The following GRID1 variants were observed in gnomAD, a reference collection of about 807,000 sequenced individuals.
GRID1 encodes the protein glutamate ionotropic receptor delta type subunit 1, also known as glutamate receptor ionotropic, delta-1.
GRID1 carries 28 observed loss-of-function variants against 98.0 expected under a neutral mutation model. The ratio of observed to expected loss-of-function variants is 0.29; its 90% confidence interval spans 0.21 to 0.39. GRID1 has a LOEUF of 0.39. Among genes scored for constraint, GRID1 ranks in the 10% least tolerant of loss-of-function variants. The pLI, the probability that GRID1 is intolerant of heterozygous loss-of-function variation, is 1.00. For missense variants in GRID1, 1,111 were observed against 1,340.5 expected, an observed-to-expected ratio of 0.83 and a Z score of 2.67; for synonymous variants, 553 against 538.5, an observed-to-expected ratio of 1.03 and a Z score of -0.37.
chr10:85,802,570 A>G (rs1188252278), intron 8 of GRID1, among the ~76,000 whole-genome samples: 1 of 152,048 alleles, frequency 6.6e-6, no homozygotes, highest in Non-Finnish European at 1.5e-5. Context: ...TATGCACAAA[A>G]TTTATCTCCA....
intron 4 of GRID1, among the ~76,000 whole-genome samples, chr10:86,015,573 A>C (rs1436636930): frequency 6.6e-6 from 1 of 152,348 alleles, no homozygotes; most frequent in East Asian, 1.9e-4. Context: ...CTGTGGAGGA[A>C]GTGGCAGGGC....
intron 11 of GRID1, among the ~76,000 whole-genome samples, chr10:85,723,726 A>G (rs1222812186): frequency 1.3e-5 from 2 of 152,174 alleles, no homozygotes; most frequent in African/African-American, 4.8e-5. Context: ...TTTGAGGCCA[A>G]TTATTTCTCC....
intron 12 of GRID1, among the ~76,000 whole-genome samples, chr10:85,700,934 T>C (rs1841443354): frequency 6.6e-6 from 1 of 152,168 alleles, no homozygotes; most frequent in Admixed American, 6.5e-5. Context: ...CATTATTGAA[T>C]GGTTTTATAT....
intron 3 of GRID1, among the ~76,000 whole-genome samples, chr10:86,164,345 C>T (rs975704601): frequency 6.6e-6 from 1 of 152,050 alleles, no homozygotes; most frequent in African/African-American, 2.4e-5. Flanking sequence ...GGTGGCCCAC[C>T]CCCAGCAGCA....
intron 2 of GRID1, among the ~76,000 whole-genome samples, chr10:86,328,979 C>G (rs1021404801): frequency 6.6e-6 from 1 of 152,118 alleles, no homozygotes; most frequent in Non-Finnish European, 1.5e-5. Context: ...TGGGGACACC[C>G]AAGGCTATAA....
chr10:86,171,925 C>T (rs117796855), intron 3 of GRID1, among the ~76,000 whole-genome samples: 5 of 152,022 alleles, frequency 3.3e-5, no homozygotes, highest in South Asian at 2.1e-4. Flanking sequence ...CCAGGAAATA[C>T]GTTACACACA....
chr10:85,869,909 T>C (rs1453457131), intron 5 of GRID1, among the ~76,000 whole-genome samples: 1 of 152,178 alleles, frequency 6.6e-6, no homozygotes, highest in Non-Finnish European at 1.5e-5. Context: ...CCTGGTATGA[T>C]CCACTGTGGA....
rs184754563 is a variant in GRID1 at position 86,173,072 on chromosome 10, C to T, written c.520+33292G>A. ...ATTTTGTTTTTAACAGACAGAATAT[C>T]TGTCACCCAGGCTGGAGTGCAGTGG... On this transcript the variant is annotated intron_variant, in intron 3 of 15. Transcript: ENST00000327946. 2.0e-4 allele frequency among the ~76,000 whole-genome samples: 30 copies of T among 152,326 alleles called. No homozygotes were observed. In the East Asian group the frequency reaches 5.4e-3, roughly 27 times the overall value.
chr10:85,976,750 C>A (rs949964235), intron 4 of GRID1, among the ~76,000 whole-genome samples: 1 of 152,238 alleles, frequency 6.6e-6, no homozygotes, highest in African/African-American at 2.4e-5. Context: ...CCTGAACAGG[C>A]TTACCTGTTT....
At position 85,933,444 on chromosome 10, in the gene GRID1, A is replaced by T. The variant is rs530585472; in HGVS notation, c.727-17205T>A. ...TATCCAACAGGTAGTTTTTCAATAT[A>T]CTACCTAATATCAGGTATTCTGTGA... is the stretch of plus-strand genomic sequence containing the variant. On this transcript the variant is annotated intron_variant, in intron 4 of 15. Transcript: ENST00000327946. Among the ~76,000 whole-genome samples, 99 of 152,276 alleles carry T rather than the reference A, an allele frequency of 6.5e-4. 1 individual carries two copies. The highest frequency in any genetic ancestry group is 2.4e-3 in the African/African-American group (98 of 41,532).
At chr10:85,910,277 C>T (rs1359773477) in intron 5 of GRID1, among the ~76,000 whole-genome samples, 3 of 152,152 alleles carry the variant, frequency 2.0e-5, no homozygotes, top group Non-Finnish European at 4.4e-5. Flanking sequence ...TCTCTGGGTC[C>T]CAAATAGAGA....
At chr10:86,104,048 G>C (rs960022321) in intron 4 of GRID1, among the ~76,000 whole-genome samples, 6 of 152,194 alleles carry the variant, frequency 3.9e-5, no homozygotes, top group African/African-American at 1.4e-4. Context: ...ACATGTGTAA[G>C]GGTGCACATG....
At chr10:85,891,554 C>T (rs1208980911) in intron 5 of GRID1, among the ~76,000 whole-genome samples, 1 of 152,142 alleles carries the variant, frequency 6.6e-6, no homozygotes, top group East Asian at 1.9e-4. Flanking sequence ...AGTTTTCAGA[C>T]ATTGGATAAC....
chr10:85,634,170 G>GA lies in GRID1; in HGVS notation c.2193+13031dup, dbSNP rs199625656. Reference sequence around the variant, plus strand: ...GGGCAACAAGAGCGAAACTCCATCTGAAAAAAAAAAAAAAAGTTTACCAGT... The same window carrying GA: ...GGGCAACAAGAGCGAAACTCCATCTGAAAAAAAAAAAAAAAAGTTTACCAGT... On this transcript the variant is annotated intron_variant, in intron 13 of 15. Coordinates refer to ENST00000327946, the MANE Select transcript of GRID1 (RefSeq NM_017551.3). Among the ~76,000 whole-genome samples the GA allele has an allele frequency of 7.6e-3, 836 of 110,206 alleles. 11 individuals carry two copies. Among genetic ancestry groups the GA allele is most frequent in the African/African-American group, 0.018 (536 of 29,588 alleles). The allele number at this position is 110,206 out of a possible 152,430, so 72.3% of individuals were successfully genotyped here. A position where few individuals can be genotyped will look rare whatever the true frequency, so the allele number is the denominator to read the frequency against.
intron 3 of GRID1, among the ~76,000 whole-genome samples, chr10:86,180,834 C>A (rs1845645060): frequency 6.6e-6 from 1 of 152,206 alleles, no homozygotes; most frequent in Non-Finnish European, 1.5e-5. Flanking sequence ...ATCCCTGTAG[C>A]CCCCTCCTGA....
chr10:86,223,118 C>A (rs1846283532), intron 2 of GRID1, among the ~76,000 whole-genome samples: 1 of 152,188 alleles, frequency 6.6e-6, no homozygotes, highest in African/African-American at 2.4e-5. Context: ...AGAATCCCCC[C>A]AAAATACCAC....
rs1045131665 is a variant in GRID1 at position 85,844,478 on chromosome 10, G to A, written c.1233+10018C>T. On this transcript the variant is annotated intron_variant, in intron 8 of 15. Transcript: ENST00000327946. The stretch of plus-strand genomic sequence containing the variant: ...ACACACACACACACAAATGAAACTG[G>A]GAAAATGTGGATCTGAATGAGATCC... Among the ~76,000 whole-genome samples, 76 of 147,250 alleles carry A rather than the reference G, an allele frequency of 5.2e-4. 1 individual carries two copies. The highest frequency in any genetic ancestry group is 2.8e-4 in the Non-Finnish European group (19 of 66,854).
At chr10:86,175,202 G>C (rs1845556822) in intron 3 of GRID1, among the ~76,000 whole-genome samples, 1 of 152,156 alleles carries the variant, frequency 6.6e-6, no homozygotes, top group African/African-American at 2.4e-5. Flanking sequence ...AATAGCTATA[G>C]GGATGGGTAC....
chr10:85,960,195 C>T (rs1305265938), intron 4 of GRID1, among the ~76,000 whole-genome samples: 1 of 152,194 alleles, frequency 6.6e-6, no homozygotes, highest in African/African-American at 2.4e-5. Flanking sequence ...CCACCACGCT[C>T]AGCCTCTTCT....
Sources: allele counts gnomAD v4.1 joint callset (sites outside exome capture counted in the v4.1 genomes callset), GRCh38; gene constraint gnomAD v4.1.1; transcripts MANE v1.5; gene names NCBI Gene and HGNC (gene_info 2026-07-23, HGNC 2026-07-21).